Variants in CACNG5 observed in about 807,000 individuals in gnomAD.
CACNG5 encodes the protein calcium voltage-gated channel auxiliary subunit gamma 5.
In CACNG5, 18 loss-of-function variants were observed where a neutral mutation model predicts 24.8. That is an observed-to-expected ratio of 0.73 (90% CI 0.50 to 1.08). The LOEUF is 1.08. CACNG5 is among the 50% of genes least tolerant of loss of function. CACNG5 has a pLI of 0.00. For missense variants in CACNG5, 349 were observed against 367.9 expected (o/e 0.95, Z 0.42); for synonymous variants, 157 against 149.1 (o/e 1.05, Z -0.39).
chr17:66,853,947 G>T (rs1050514970), intron 1 of CACNG5, among the ~76,000 whole-genome samples: 2 of 151,926 alleles, frequency 1.3e-5, no homozygotes, highest in Non-Finnish European at 2.9e-5. Context: ...AAAAAATGAG[G>T]TATCAGAATT....
At chr17:66,879,954 T>A (rs1223327805) in intron 3 of CACNG5, among the ~76,000 whole-genome samples, 2 of 152,044 alleles carry the variant, frequency 1.3e-5, no homozygotes, top group African/African-American at 4.8e-5. Context: ...CCATCCTGAG[T>A]CACCTGGTTA....
intron 1 of CACNG5, among the ~76,000 whole-genome samples, chr17:66,836,092 C>T (rs747871085): frequency 6.6e-6 from 1 of 152,192 alleles, no homozygotes; most frequent in African/African-American, 2.4e-5. Flanking sequence ...CATATTCTGA[C>T]TAGCTTCTCC....
chr17:66,856,486 A>G (rs1976777368), intron 1 of CACNG5, among the ~76,000 whole-genome samples: 1 of 151,932 alleles, frequency 6.6e-6, no homozygotes, highest in South Asian at 2.1e-4. Context: ...TGACATTGAT[A>G]TAGTCAAGGA....
rs920267022 is a variant in CACNG5, at chr17:66,893,563, C to T, written c.*8323C>T. On this transcript the variant is annotated 3_prime_UTR_variant, in exon 6 of 6. Transcript: ENST00000533854. ...GTGTGTGGTTAGGGGTCATCTGATG[C>T]ATCCTACCAACGTGACCCCAAGGAA... Among the ~76,000 whole-genome samples the T allele has an allele frequency of 2.0e-5, 3 of 152,340 alleles. No homozygotes were observed. Among genetic ancestry groups the T allele is most frequent in the African/African-American group, 7.2e-5 (3 of 41,574 alleles).
intron 1 of CACNG5, among the ~76,000 whole-genome samples, chr17:66,872,308 A>C (rs1378854757): frequency 6.6e-6 from 1 of 152,212 alleles, no homozygotes; most frequent in South Asian, 2.1e-4. Context: ...CTATAAGAAA[A>C]ATCAAATGAA....
chr17:66,871,701 T>G (rs185236105), intron 1 of CACNG5, among the ~76,000 whole-genome samples: 30 of 152,124 alleles, frequency 2.0e-4, no homozygotes, highest in African/African-American at 7.2e-4. Flanking sequence ...CTACTAAAAA[T>G]ACAAAAAAAT....
rs1326899813 is a variant in CACNG5, at chr17:66,893,208, C to G, written c.*7968C>G. Among the ~76,000 whole-genome samples the G allele has an allele frequency of 6.6e-6, 1 of 152,096 alleles. No homozygotes were observed. The highest frequency in any genetic ancestry group is 1.5e-5 in the Non-Finnish European group (1 of 68,012). On this transcript the variant is annotated 3_prime_UTR_variant, in exon 6 of 6. Coordinates refer to ENST00000533854, the MANE Select transcript of CACNG5 (RefSeq NM_145811.3). Reference sequence around the variant, plus strand: ...CCCCCAAGAGCATGGCACCTACAGTCCTAAATGTTCTGCATGGTAAATGTA... The same window carrying G: ...CCCCCAAGAGCATGGCACCTACAGTGCTAAATGTTCTGCATGGTAAATGTA...
intron 4 of CACNG5, 111 bp downstream of exon 4, chr17:66,880,808 C>T: frequency 8.6e-7 from 1 of 1,167,874 alleles, no homozygotes; most frequent in Non-Finnish European, 1.2e-6. Context: ...GTGGCACGAT[C>T]TTGGCTCACT....
chr17:66,853,203 T>G (rs1372633177), intron 1 of CACNG5, among the ~76,000 whole-genome samples: 2 of 152,226 alleles, frequency 1.3e-5, no homozygotes, highest in Admixed American at 6.5e-5. Flanking sequence ...TTTATTCCTT[T>G]GTATTGCGGA....
intron 1 of CACNG5, among the ~76,000 whole-genome samples, chr17:66,845,938 AC>A (rs111941673): frequency 2.6e-5 from 4 of 152,120 alleles, no homozygotes; most frequent in African/African-American, 9.7e-5. Context: ...GACCTTAAGG[AC>A]CTGACCTCCT....
chr17:66,854,157 C>T (rs542006584), intron 1 of CACNG5, among the ~76,000 whole-genome samples: 10 of 152,212 alleles, frequency 6.6e-5, no homozygotes, highest in South Asian at 2.1e-4. Context: ...AGGCCGGGTG[C>T]GGTGGCTCAC....
chr17:66,894,614 T>A lies in CACNG5; in HGVS notation c.*9374T>A, dbSNP rs1977387794. On this transcript the variant is annotated 3_prime_UTR_variant, in exon 6 of 6. Transcript: ENST00000533854. ...TTGATTTTTTATTCATTCATTCATT[T>A]TTTTTCCTTCCCCCTCCACCCCATG... Among the ~76,000 whole-genome samples, 1 of 152,142 alleles carries A rather than the reference T, an allele frequency of 6.6e-6. No individual in the cohort carries two copies.
In CACNG5 at chr17:66,856,588, C is replaced by T. The variant is rs1976781160; in HGVS notation, c.-103-20642C>T. Among the ~76,000 whole-genome samples the T allele has an allele frequency of 2.0e-5, 3 of 148,990 alleles. No individual in the cohort carries two copies. The South Asian group carries it at 6.6e-4, about 33-fold the overall frequency. ...ACAGAGTCTCGCTCTGTCGCCCAGG[C>T]TGGAGTGCAATGGCGCTATCTCGGC... On this transcript the variant is annotated intron_variant, in intron 1 of 5. Coordinates refer to ENST00000533854, the MANE Select transcript of CACNG5 (RefSeq NM_145811.3).
rs1977329872 is a variant in CACNG5, at chr17:66,890,640, T to C, written c.*5400T>C. On this transcript the variant is annotated 3_prime_UTR_variant, in exon 6 of 6. Coordinates refer to ENST00000533854, the MANE Select transcript of CACNG5 (RefSeq NM_145811.3). The stretch of plus-strand genomic sequence containing the variant: ...GTGGCCCCATCCTTGAAGGTTTGCA[T>C]GCGTGGGCTCTCTGTCCTGCTGGTT... Among the ~76,000 whole-genome samples the C allele has an allele frequency of 6.6e-6, 1 of 152,210 alleles. No homozygotes were observed. The highest frequency in any genetic ancestry group is 2.1e-4 in the South Asian group (1 of 4,832).
chr17:66,871,863 A>C (rs56034423), intron 1 of CACNG5, among the ~76,000 whole-genome samples: 37 of 152,166 alleles, frequency 2.4e-4, no homozygotes, highest in African/African-American at 8.7e-4. Context: ...CCATCTCAAA[A>C]AGAAACAAAC....
chr17:66,871,887 A>G (rs996190433), intron 1 of CACNG5, among the ~76,000 whole-genome samples: 6 of 151,842 alleles, frequency 4.0e-5, no homozygotes, highest in African/African-American at 1.5e-4. Flanking sequence ...CAAACAAAAA[A>G]CTCAAGAAGG....
chr17:66,878,082 T>G (rs925761307), intron 2 of CACNG5, among the ~76,000 whole-genome samples: 1 of 152,220 alleles, frequency 6.6e-6, no homozygotes, highest in African/African-American at 2.4e-5. Context: ...CCTCCAGCTC[T>G]GCAGCATGGT....
chr17:66,860,818 C>G (rs3859213), intron 1 of CACNG5, among the ~76,000 whole-genome samples: 1 of 151,786 alleles, frequency 6.6e-6, no homozygotes, highest in Non-Finnish European at 1.5e-5. Flanking sequence ...AACACAAATA[C>G]GTAAACTTTC....
chr17:66,891,811 A>G lies in CACNG5; in HGVS notation c.*6571A>G, dbSNP rs1977349443. ...TTTGAGAAACACGATCTGCTGTACC[A>G]TGACTGGCTTTGACTAGTAAGTTAT... On this transcript the variant is annotated 3_prime_UTR_variant, in exon 6 of 6. Coordinates refer to ENST00000533854, the MANE Select transcript of CACNG5 (RefSeq NM_145811.3). Among the ~76,000 whole-genome samples the G allele has an allele frequency of 6.6e-6, 1 of 152,218 alleles. No individual in the cohort carries two copies. Among genetic ancestry groups the G allele is most frequent in the South Asian group, 2.1e-4 (1 of 4,834 alleles).
Sources: gnomAD v4.1 joint callset for allele counts (sites outside exome capture counted in the v4.1 genomes callset) on GRCh38, gnomAD v4.1.1 for gene constraint, MANE v1.5 for transcripts, NCBI Gene and HGNC (gene_info 2026-07-23, HGNC 2026-07-21) for gene names.